The following OPCML variants were observed in gnomAD, a reference collection of about 807,000 sequenced individuals.
The protein encoded by OPCML is opioid-binding protein/cell adhesion molecule.
Under a neutral mutation model 37.8 loss-of-function variants are expected in OPCML, and 13 were observed. The observed-to-expected ratio is 0.34, with a 90% CI of 0.22 to 0.55. The LOEUF is 0.55. Ranked by LOEUF, OPCML falls within the 20% of genes least tolerant of loss-of-function variation. The pLI is 0.91. For synonymous variants in OPCML, 176 were observed against 168.8 expected (o/e 1.04, Z -0.33); for missense variants, 341 against 435.6 (o/e 0.78, Z 1.93).
At chr11:133,350,925 C>T (rs1944122537) in intron 1 of OPCML, among the ~76,000 whole-genome samples, 1 of 152,078 alleles carries the variant, frequency 6.6e-6, no homozygotes, top group Non-Finnish European at 1.5e-5. Flanking sequence ...GAGAGTTGGA[C>T]GGCAGGCCAA....
intron 1 of OPCML, among the ~76,000 whole-genome samples, chr11:133,484,877 GT>G (rs1947494523): frequency 6.6e-6 from 1 of 151,904 alleles, no homozygotes; most frequent in African/African-American, 2.4e-5. Flanking sequence ...CTTAACAGTT[GT>G]TAAAATTAAC....
At chr11:132,912,066 C>T (rs1006669932) in intron 2 of OPCML, among the ~76,000 whole-genome samples, 1 of 152,016 alleles carries the variant, frequency 6.6e-6, no homozygotes, top group Non-Finnish European at 1.5e-5. Context: ...CATTAGAACA[C>T]TTGGAATCTT....
intron 7 of OPCML, among the ~76,000 whole-genome samples, chr11:132,432,421 T>C (rs2096000222): frequency 6.6e-6 from 1 of 152,152 alleles, no homozygotes; most frequent in Admixed American, 6.5e-5. Context: ...GATCAGAGAA[T>C]TGTGCCTTGT....
At chr11:132,748,565 A>T (rs545914489) in intron 2 of OPCML, among the ~76,000 whole-genome samples, 1 of 152,256 alleles carries the variant, frequency 6.6e-6, no homozygotes, top group East Asian at 1.9e-4. Flanking sequence ...CTGTGCTTGG[A>T]CAGAAGCAAA....
At chr11:132,606,233 C>G (rs1565705026) in intron 3 of OPCML, among the ~76,000 whole-genome samples, 1 of 152,138 alleles carries the variant, frequency 6.6e-6, no homozygotes, top group Non-Finnish European at 1.5e-5. Flanking sequence ...ATCTTCAGCT[C>G]TTTGGCTTTC....
chr11:132,471,429 C>A (rs1337521205), intron 4 of OPCML, among the ~76,000 whole-genome samples: 2 of 152,198 alleles, frequency 1.3e-5, no homozygotes. Flanking sequence ...GTCTGTGGGT[C>A]AGGGATTTGG....
chr11:133,030,665 T>G (rs1310707576), intron 1 of OPCML, among the ~76,000 whole-genome samples: 1 of 152,204 alleles, frequency 6.6e-6, no homozygotes, highest in African/African-American at 2.4e-5. Context: ...TACCTAGAAT[T>G]AATATGCTAG....
At chr11:133,143,282 T>C (rs1163992123) in intron 1 of OPCML, among the ~76,000 whole-genome samples, 1 of 152,138 alleles carries the variant, frequency 6.6e-6, no homozygotes, top group Non-Finnish European at 1.5e-5. Flanking sequence ...ACAACTCCCT[T>C]CCATTTTGGT....
At chr11:132,591,278 A>T (rs546627424) in intron 3 of OPCML, among the ~76,000 whole-genome samples, 6 of 152,216 alleles carry the variant, frequency 3.9e-5, no homozygotes, top group Non-Finnish European at 7.3e-5. Context: ...TGAACCAGGC[A>T]GGTGGCTCTT....
At chr11:132,619,946 TCATTTGA>T (rs907044418) in intron 3 of OPCML, among the ~76,000 whole-genome samples, 11 of 152,282 alleles carry the variant, frequency 7.2e-5, no homozygotes, top group African/African-American at 1.9e-4. Flanking sequence ...TTATTATTAT[TCATTTGA>T]CATTAAATCT....
intron 1 of OPCML, among the ~76,000 whole-genome samples, chr11:133,185,910 T>C (rs1938050773): frequency 6.6e-6 from 1 of 152,238 alleles, no homozygotes. Context: ...GATTTTTCTT[T>C]ACATTAAATT....
intron 1 of OPCML, among the ~76,000 whole-genome samples, chr11:133,437,698 G>A (rs796759202): frequency 1.2e-5 from 1 of 84,136 alleles, no homozygotes; most frequent in African/African-American, 5.3e-5. Context: ...TCTCAACCCC[G>A]CTCACCTCTC....
intron 1 of OPCML, among the ~76,000 whole-genome samples, chr11:133,059,294 T>C (rs1948297292): frequency 6.6e-6 from 1 of 152,244 alleles, no homozygotes. Flanking sequence ...GATTCTTTCA[T>C]CTGGTGGTTC....
intron 2 of OPCML, among the ~76,000 whole-genome samples, chr11:132,719,035 C>G (rs977385490): frequency 6.6e-6 from 1 of 152,160 alleles, no homozygotes; most frequent in Non-Finnish European, 1.5e-5. Flanking sequence ...GCAGCCCTCT[C>G]AAGGCTGACC....
At chr11:132,829,623 T>G (rs1210773657) in intron 2 of OPCML, among the ~76,000 whole-genome samples, 1 of 152,198 alleles carries the variant, frequency 6.6e-6, no homozygotes, top group African/African-American at 2.4e-5. Context: ...TCCTGTCCGG[T>G]GTTGGCCTAC....
At chr11:132,843,042 T>G (rs2136307401) in intron 2 of OPCML, among the ~76,000 whole-genome samples, 1 of 152,244 alleles carries the variant, frequency 6.6e-6, no homozygotes, top group South Asian at 2.1e-4. Flanking sequence ...CAGAGACTAG[T>G]TTCATTCTTT....
chr11:133,251,580 G>T (rs575471497), intron 1 of OPCML, among the ~76,000 whole-genome samples: 5 of 151,964 alleles, frequency 3.3e-5, no homozygotes, highest in East Asian at 1.9e-4. Flanking sequence ...CTTTTTTTGG[G>T]GGGGGGAGGG....
At chr11:132,811,151 C>A (rs1024543996) in intron 2 of OPCML, among the ~76,000 whole-genome samples, 4 of 152,118 alleles carry the variant, frequency 2.6e-5, no homozygotes, top group Non-Finnish European at 5.9e-5. Context: ...TAAGGGCCCC[C>A]AAAATATTAA....
chr11:133,041,555 C>T (rs1463277746), intron 1 of OPCML, among the ~76,000 whole-genome samples: 1 of 152,164 alleles, frequency 6.6e-6, no homozygotes, highest in Non-Finnish European at 1.5e-5. Flanking sequence ...ACTGTATCTT[C>T]GAGTATCCTA....
Sources: allele counts gnomAD v4.1 joint callset (sites outside exome capture counted in the v4.1 genomes callset), GRCh38; gene constraint gnomAD v4.1.1; transcripts MANE v1.5; gene names NCBI Gene and HGNC (gene_info 2026-07-23, HGNC 2026-07-21).